CLASP2: variants seen among roughly 807,000 people sequenced by gnomAD.
CLASP2 encodes CLIP-associating protein 2.
A neutral mutation model predicts 194.4 loss-of-function variants in CLASP2; 47 were observed. The ratio of observed to expected loss-of-function variants is 0.24; its 90% CI spans 0.19 to 0.31. The LOEUF (loss-of-function observed/expected upper bound fraction) is 0.31, where lower values mean the gene tolerates loss of function less well. Ranked by LOEUF, CLASP2 falls within the 10% of genes least tolerant of loss-of-function variation. The pLI, the probability that CLASP2 is intolerant of heterozygous loss-of-function variation, is 1.00. For missense variants in CLASP2, 1,445 were observed against 1,823.6 expected (o/e 0.79, Z 3.78); for synonymous variants, 619 against 633.5 (o/e 0.98, Z 0.34).
intron 17 of CLASP2, among the ~76,000 whole-genome samples, chr3:33,603,684 G>A (rs912520874): frequency 4.6e-5 from 7 of 151,972 alleles, no homozygotes; most frequent in South Asian, 2.1e-4. Context: ...GTGCAGTGGC[G>A]CGATCTCGAC....
chr3:33,551,743 C>T (rs949603226), intron 29 of CLASP2, among the ~76,000 whole-genome samples: 1 of 152,172 alleles, frequency 6.6e-6, no homozygotes, highest in Admixed American at 6.5e-5. Context: ...CAAGTTTGAA[C>T]AACTGCTGAA....
intron 33 of CLASP2, 27 bp downstream of exon 33, chr3:33,538,762 G>A: frequency 6.6e-7 from 1 of 1,509,304 alleles, no homozygotes; most frequent in South Asian, 1.3e-5. Flanking sequence ...AAAATAGTCT[G>A]GAAAGTAAGG....
intron 6 of CLASP2, among the ~76,000 whole-genome samples, chr3:33,667,241 A>G (rs940383128): frequency 6.6e-6 from 1 of 151,702 alleles, no homozygotes; most frequent in Non-Finnish European, 1.5e-5. Context: ...GTGAAACCCC[A>G]TCTGTACTGA....
chr3:33,633,874 A>G (rs552404370), intron 8 of CLASP2, among the ~76,000 whole-genome samples: 19 of 152,334 alleles, frequency 1.2e-4, no homozygotes, highest in Non-Finnish European at 2.1e-4. Flanking sequence ...ATAAAGAGAT[A>G]CAAAGGACAG....
chr3:33,584,835 G>T lies in CLASP2; in HGVS notation c.2154C>A (p.Val718=). ...TTCTTTTTTGTGCTGAGGCTGAATT[G>T]ACCAGGACTCTTTGAACACCAGAGC... ...TVSSGVQRVL[V]NSASAQKRSK... Residue 718 remains valine (V), a synonymous_variant, in exon 22 of 39, where the codon GTC becomes GTA. Transcript: ENST00000682230. 1 of 1,613,392 alleles carries T rather than the reference G, an allele frequency of 6.2e-7. No homozygotes were observed. Among genetic ancestry groups the T allele is most frequent in the Non-Finnish European group, 8.5e-7 (1 of 1,179,702 alleles).
intron 37 of CLASP2, among the ~76,000 whole-genome samples, chr3:33,508,144 C>A (rs2048788541): frequency 6.6e-6 from 1 of 151,170 alleles, no homozygotes; most frequent in African/African-American, 2.4e-5. Context: ...ATAGGCATGC[C>A]ACTGTGAGCC....
chr3:33,547,893 ATCC>A (rs2059404297), intron 30 of CLASP2, among the ~76,000 whole-genome samples: 1 of 150,786 alleles, frequency 6.6e-6, no homozygotes, highest in African/African-American at 2.4e-5. Context: ...GACTCAAATG[ATCC>A]TCCTACCTCA....
At chr3:33,578,773 G>A (rs2065417828) in intron 23 of CLASP2, among the ~76,000 whole-genome samples, 1 of 152,204 alleles carries the variant, frequency 6.6e-6, no homozygotes, top group African/African-American at 2.4e-5. Context: ...AGTTATCTGT[G>A]ACTTGAAGAT....
At chr3:33,548,763 C>CTTTTTTTTTTTT (rs57112524) in intron 30 of CLASP2, among the ~76,000 whole-genome samples, 1 of 93,112 alleles carries the variant, frequency 1.1e-5, no homozygotes, top group Non-Finnish European at 2.2e-5. Flanking sequence ...GGTTTCATTT[C>CTTTTTTTTTTTT]TTTTTTTTTT....
intron 34 of CLASP2, among the ~76,000 whole-genome samples, chr3:33,526,250 A>G (rs2054535171): frequency 6.6e-6 from 1 of 152,130 alleles, no homozygotes; most frequent in Admixed American, 6.5e-5. Flanking sequence ...CTCAGATGTC[A>G]TAATACACAG....
chr3:33,598,488 C>A (rs184538450), intron 18 of CLASP2, among the ~76,000 whole-genome samples: 8 of 152,280 alleles, frequency 5.3e-5, no homozygotes, highest in Non-Finnish European at 7.4e-5. Flanking sequence ...TGCTCCATAT[C>A]CCATTCCTCA....
Position 33,674,396 on chromosome 3 carries a change from G to A in CLASP2, c.644+9963C>T, listed in dbSNP as rs561997867. Reference sequence around the variant, plus strand: ...AATGAAGATGTTCTTTGAAACCAACGAGAACAAAGACACAACATACCAGAA... The same window carrying A: ...AATGAAGATGTTCTTTGAAACCAACAAGAACAAAGACACAACATACCAGAA... On this transcript the variant is annotated intron_variant, in intron 6 of 38. Coordinates refer to ENST00000682230, the MANE Select transcript of CLASP2 (RefSeq NM_001365631.1). Among the ~76,000 whole-genome samples, 37 of 151,654 alleles carry A rather than the reference G, an allele frequency of 2.4e-4. No individual in the cohort carries two copies. The South Asian group carries it at 6.4e-3, about 26-fold the overall frequency.
At chr3:33,650,057 T>C (rs1272733507) in intron 7 of CLASP2, among the ~76,000 whole-genome samples, 1 of 151,728 alleles carries the variant, frequency 6.6e-6, no homozygotes, top group African/African-American at 2.4e-5. Context: ...AAACAGACAA[T>C]AGGAAAAGAC....
intron 34 of CLASP2, 67 bp downstream of exon 34, chr3:33,535,166 A>C (rs1048861700): frequency 1.8e-6 from 2 of 1,089,870 alleles, no homozygotes; most frequent in African/African-American, 3.1e-5. Flanking sequence ...AAGCATATGC[A>C]TTTCTTTTAC....
At chr3:33,610,262 C>G (rs548128067) in intron 13 of CLASP2, among the ~76,000 whole-genome samples, 1 of 152,180 alleles carries the variant, frequency 6.6e-6, no homozygotes, top group Non-Finnish European at 1.5e-5. Context: ...GTCAAAGATT[C>G]CTACTATCTA....
At chr3:33,715,113 TTCAA>T (rs1448301904) in intron 1 of CLASP2, among the ~76,000 whole-genome samples, 1 of 152,222 alleles carries the variant, frequency 6.6e-6, no homozygotes, top group Non-Finnish European at 1.5e-5. Context: ...TTTCCTCTGC[TTCAA>T]TCATTCTTGA....
intron 2 of CLASP2, among the ~76,000 whole-genome samples, chr3:33,692,505 CTTT>C (rs1312012201): frequency 2.0e-5 from 3 of 152,158 alleles, no homozygotes; most frequent in Non-Finnish European, 4.4e-5. Context: ...CACTGGATCG[CTTT>C]TTAACACATA....
chr3:33,563,054 T>C (rs184658844), intron 27 of CLASP2, among the ~76,000 whole-genome samples: 15 of 152,324 alleles, frequency 9.8e-5, no homozygotes, highest in Admixed American at 2.6e-4. Flanking sequence ...GGCTAATCTT[T>C]CTACTTTATA....
chr3:33,575,364 T>C (rs1252182837), intron 24 of CLASP2, among the ~76,000 whole-genome samples: 2 of 152,170 alleles, frequency 1.3e-5, no homozygotes, highest in African/African-American at 2.4e-5. Context: ...CTGTATTATA[T>C]CAACACTAGT....
Sources: gnomAD v4.1 joint callset for allele counts (sites outside exome capture counted in the v4.1 genomes callset) on GRCh38, gnomAD v4.1.1 for gene constraint, MANE v1.5 for transcripts, NCBI Gene and HGNC (gene_info 2026-07-23, HGNC 2026-07-21) for gene names.